Variants in CSE1L observed in about 807,000 individuals in gnomAD.
CSE1L encodes exportin-2.
A neutral mutation model predicts 120.4 loss-of-function variants in CSE1L; 24 were observed. The ratio of observed to expected loss-of-function variants is 0.20; its 90% CI spans 0.14 to 0.28. The LOEUF (loss-of-function observed/expected upper bound fraction) is 0.28, where lower values mean the gene tolerates loss of function less well. Among genes scored for constraint, CSE1L ranks in the 10% least tolerant of loss-of-function variants. The pLI, the probability that CSE1L is intolerant of heterozygous loss-of-function variation, is 1.00. For missense variants in CSE1L, 830 were observed against 1,145.2 expected (o/e 0.72, Z 3.97); for synonymous variants, 402 against 398.3 (o/e 1.01, Z -0.11).
rs766380069 is a variant in CSE1L at position 49,066,452 on chromosome 20, A to C, written c.418A>C (p.Ser140Arg). 6.2e-7 allele frequency: 1 copy of C among 1,614,178 alleles called. No homozygotes were observed. Among genetic ancestry groups the C allele is most frequent in the Non-Finnish European group, 8.5e-7 (1 of 1,180,006 alleles). Residue 140 changes from serine to arginine, a missense_variant, in exon 5 of 25, where the codon AGT becomes CGT. Physicochemically the swap from Ser to Arg is moderately radical, Grantham distance 110. Transcript: ENST00000262982. ...LLTEMVNRFQSGDFHVINGVL... is the reference protein window; with the variant it reads ...LLTEMVNRFQRGDFHVINGVL... ...GACAGAAATGGTGAATCGCTTTCAG[A>C]GTGGAGATTTCCATGTTATTAATGG...
chr20:49,067,901 G>C (rs1345538589), intron 6 of CSE1L, among the ~76,000 whole-genome samples: 1 of 128,818 alleles, frequency 7.8e-6, no homozygotes, highest in Admixed American at 7.9e-5. Context: ...ATGCCTGGCT[G>C]CTTTTTCTCT....
intron 1 of CSE1L, among the ~76,000 whole-genome samples, chr20:49,048,856 C>G (rs772097563): frequency 1.3e-5 from 2 of 152,156 alleles, no homozygotes; most frequent in Non-Finnish European, 2.9e-5. Context: ...GGATCTCTTT[C>G]CCTCTTCCCA....
chr20:49,072,298 G>T lies in CSE1L; in HGVS notation c.781G>T (p.Ala261Ser). 1.9e-6 allele frequency: 3 copies of T among 1,614,036 alleles called. No homozygotes were observed. Among genetic ancestry groups the T allele is most frequent in the Non-Finnish European group, 1.7e-6 (2 of 1,179,956 alleles). ...TCTTTTATGTGAGGATGAAGAGGAA[G>T]CCGGCTTATTGGAGCTCTTAAAATC... ...KLLQTDDEEE[A>S]GLLELLKSQI... The change falls in exon 9 of 25, where the codon GCC (alanine) becomes TCC (serine). Residue 261 changes from alanine (A) to serine (S), a missense_variant. Physicochemically the swap from Ala to Ser is moderately conservative, Grantham distance 99. Transcript: ENST00000262982.
intron 19 of CSE1L, among the ~76,000 whole-genome samples, chr20:49,090,490 A>T (rs2092092567): frequency 1.3e-5 from 2 of 152,202 alleles, no homozygotes. Context: ...TGGGAAGCAG[A>T]GGTTGCAGTG....
At chr20:49,071,352 A>C (rs917311935) in intron 8 of CSE1L, among the ~76,000 whole-genome samples, 1 of 152,222 alleles carries the variant, frequency 6.6e-6, no homozygotes, top group Non-Finnish European at 1.5e-5. Flanking sequence ...TCTTCACACA[A>C]AAGTCACAAG....
chr20:49,063,314 C>A lies in CSE1L; in HGVS notation c.198C>A (p.Phe66Leu). Residue 66 changes from phenylalanine to leucine, a missense_variant, in exon 3 of 25, where the codon TTC (phenylalanine) becomes TTA (leucine). Physicochemically the swap from Phe to Leu is conservative, Grantham distance 22 (BLOSUM62 0). Transcript: ENST00000262982. Reference protein sequence around the residue: ...NVIKVCASVTFKNYIKRNWRI... With the variant: ...NVIKVCASVTLKNYIKRNWRI... The stretch of plus-strand genomic sequence containing the variant: ...TCAAAGTATGTGCTTCAGTAACATT[C>A]AAAAACTATATTAAAAGGAACTGGA... 2.6e-6 allele frequency: 4 copies of A among 1,520,550 alleles called. No homozygotes were observed. The highest frequency in any genetic ancestry group is 2.5e-5 in the South Asian group (2 of 80,180). 94.2% of individuals were successfully genotyped at this position (1,520,550 alleles called of 1,614,324 possible).
intron 17 of CSE1L, among the ~76,000 whole-genome samples, chr20:49,088,700 G>A (rs1163770167): frequency 2.0e-5 from 3 of 152,128 alleles, no homozygotes; most frequent in African/African-American, 7.2e-5. Context: ...TTATTCAACT[G>A]AGTTAGGGCT....
At chr20:49,090,008 C>G (rs1012103783) in intron 19 of CSE1L, among the ~76,000 whole-genome samples, 1 of 151,794 alleles carries the variant, frequency 6.6e-6, no homozygotes, top group Non-Finnish European at 1.5e-5. Context: ...GCCTGTGGTC[C>G]CATCTACTTG....
Position 49,094,113 on chromosome 20 carries a change from T to C in CSE1L, c.2448-27T>C, listed in dbSNP as rs548488923. ...ATTTCATTATAGTGATAATCTAATA[T>C]TAAGTTGATTTATTTTGCTTTAATA... On this transcript the variant is annotated intron_variant, in intron 22 of 24. Transcript: ENST00000262982. 9 of 1,340,390 alleles carry C rather than the reference T, an allele frequency of 6.7e-6. No individual in the cohort carries two copies. The East Asian group carries it at 2.1e-4, about 32-fold the overall frequency. 83.0% of individuals were successfully genotyped at this position (1,340,390 alleles called of 1,614,324 possible).
At chr20:49,079,560 A>G (rs776588817) in intron 14 of CSE1L, among the ~76,000 whole-genome samples, 61 of 151,778 alleles carry the variant, frequency 4.0e-4, no homozygotes, top group Non-Finnish European at 7.1e-4. Flanking sequence ...GTTGGAGAAA[A>G]CACTCATTTA....
Position 49,066,227 on chromosome 20 carries a change from T to C in CSE1L, c.264T>C (p.Asp88=). The part of the protein sequence containing the change: ...EDEPNKICEA[D]RVAIKANIVH... ...AACCAAACAAAATTTGTGAAGCCGA[T>C]CGAGTGGCCATTAAAGCCAACATAG... is the stretch of plus-strand genomic sequence containing the variant. The change falls in exon 4 of 25, where the codon GAT becomes GAC. Residue 88 remains aspartate (D), a synonymous_variant. Transcript: ENST00000262982. The C allele has an allele frequency of 6.2e-7, 1 of 1,614,236 alleles. No individual in the cohort carries two copies. The highest frequency in any genetic ancestry group is 1.3e-5 in the African/African-American group (1 of 75,066).
intron 12 of CSE1L, among the ~76,000 whole-genome samples, chr20:49,075,767 TAACTTA>T (rs2123717813): frequency 6.6e-6 from 1 of 152,368 alleles, no homozygotes; most frequent in African/African-American, 2.4e-5. Flanking sequence ...CAAATATGCT[TAACTTA>T]AACTTAGCTG....
chr20:49,084,283 T>C, intron 15 of CSE1L, 121 bp downstream of exon 15: 1 of 1,015,236 alleles, frequency 9.8e-7, no homozygotes, highest in Non-Finnish European at 1.4e-6. Context: ...TTCTATTCCT[T>C]TATACTCTGT....
chr20:49,048,105 A>T (rs1352422463), intron 1 of CSE1L, among the ~76,000 whole-genome samples: 1 of 150,100 alleles, frequency 6.7e-6, no homozygotes, highest in Non-Finnish European at 1.5e-5. Context: ...CCTTGGGCCC[A>T]CATAGTCATA....
chr20:49,080,630 C>G lies in CSE1L; in HGVS notation c.1482+2008C>G, dbSNP rs562586279. 2.5e-4 allele frequency among the ~76,000 whole-genome samples: 38 copies of G among 152,256 alleles called. No homozygotes were observed. In the South Asian group the frequency reaches 6.4e-3, roughly 26 times the overall value. On this transcript the variant is annotated intron_variant, in intron 14 of 24. Transcript: ENST00000262982. ...TAGCTGGGATTACAAGCATCCACCA[C>G]CACGCCTGGCTAATTTTGTATTTTT...
chr20:49,047,573 T>C (rs1175283260), intron 1 of CSE1L, among the ~76,000 whole-genome samples: 40 of 77,132 alleles, frequency 5.2e-4, no homozygotes, highest in Non-Finnish European at 8.0e-4. Context: ...TCTTTTTTTT[T>C]TTTTTTTTTT....
intron 16 of CSE1L, among the ~76,000 whole-genome samples, chr20:49,087,182 A>G (rs544384353): frequency 1.2e-4 from 18 of 152,152 alleles, no homozygotes; most frequent in African/African-American, 3.4e-4. Flanking sequence ...TATTTTTGCA[A>G]TTTGGACTCT....
chr20:49,094,425 AT>A lies in CSE1L; in HGVS notation c.2594+142del. ...TCTCCACAATCAGATCCAAGACATG[AT>A]TTCTGGATCCTTCTGGGCTTAGAAT... On this transcript the variant is annotated intron_variant, in intron 23 of 24. Coordinates refer to ENST00000262982, the MANE Select transcript of CSE1L (RefSeq NM_001316.4). 4 of 855,018 alleles carry A rather than the reference AT, an allele frequency of 4.7e-6. No individual in the cohort carries two copies. In the South Asian group the frequency reaches 6.4e-5, roughly 14 times the overall value. 53.0% of individuals were successfully genotyped at this position (855,018 alleles called of 1,614,324 possible). A position where few individuals can be genotyped will look rare whatever the true frequency, so the allele number is the denominator to read the frequency against.
At chr20:49,078,497 C>A in intron 13 of CSE1L, 64 bp from the exon 14 acceptor site, 2 of 1,039,218 alleles carry the variant, frequency 1.9e-6, no homozygotes, top group South Asian at 3.0e-5. Flanking sequence ...CTGATGATGT[C>A]ACTAATTTGG....
Sources: allele counts gnomAD v4.1 joint callset (sites outside exome capture counted in the v4.1 genomes callset), GRCh38; gene constraint gnomAD v4.1.1; transcripts MANE v1.5; gene names NCBI Gene and HGNC (gene_info 2026-07-23, HGNC 2026-07-21).